Variants in COG2 observed in about 807,000 individuals in gnomAD.
The protein encoded by COG2 is conserved oligomeric Golgi complex subunit 2.
COG2 carries 52 observed loss-of-function variants against 90.6 expected under a neutral mutation model. That is an observed-to-expected ratio of 0.57 (90% confidence interval 0.46 to 0.72). The LOEUF is 0.72. COG2 is among the 30% of genes least tolerant of loss of function. The pLI is 0.00. For synonymous variants in COG2, 337 were observed against 320.4 expected, an observed-to-expected ratio of 1.05 and a Z score of -0.55; for missense variants, 829 against 891.2, an observed-to-expected ratio of 0.93 and a Z score of 0.89.
chr1:230,677,223 A>C (rs919416391), intron 9 of COG2, among the ~76,000 whole-genome samples: 11 of 152,050 alleles, frequency 7.2e-5, no homozygotes, highest in Non-Finnish European at 1.6e-4. Context: ...GTTGTGTCTA[A>C]ACTCTTTTCC....
At chr1:230,692,575 A>G (rs528651753) in intron 17 of COG2, among the ~76,000 whole-genome samples, 3 of 152,322 alleles carry the variant, frequency 2.0e-5, no homozygotes, top group South Asian at 2.1e-4. Flanking sequence ...TGAAGAGCCA[A>G]TGAGCAAAAG....
chr1:230,654,476 C>T (rs1015288697), intron 1 of COG2, among the ~76,000 whole-genome samples: 3 of 152,138 alleles, frequency 2.0e-5, no homozygotes, highest in Admixed American at 1.3e-4. Flanking sequence ...CTATATATAT[C>T]TGTTTTCATA....
intron 6 of COG2, 90 bp downstream of exon 6, chr1:230,668,874 G>A: frequency 1.3e-6 from 1 of 784,770 alleles, no homozygotes. Flanking sequence ...GATCTACAGG[G>A]TTTTGAAGCT....
rs1186241877 is a variant in COG2, at chr1:230,663,188, A to G, written c.348A>G (p.Arg116=). The G allele has an allele frequency of 6.2e-7, 1 of 1,611,754 alleles. No individual in the cohort carries two copies. Residue 116 remains arginine, a synonymous_variant, in exon 4 of 18, where the codon CGA becomes CGG. Transcript: ENST00000366669. ...AAGGAATTCGGGCAGTTGATGAACG[A>G]ATGTCTAAACAAGAGGACATTAGGA... ...VSEGIRAVDE[R]MSKQEDIRKK... is the part of the protein sequence containing the mutation.
chr1:230,678,125 A>AC, intron 9 of COG2: 1 of 985,442 alleles, frequency 1.0e-6, no homozygotes, highest in Non-Finnish European at 1.2e-6. Flanking sequence ...GAACATAAAA[A>AC]ATTCAACAGT....
rs558080309 is a variant in COG2, at chr1:230,656,096, C to T, written c.73-3368C>T. On this transcript the variant is annotated intron_variant, in intron 1 of 17. Coordinates refer to ENST00000366669, the MANE Select transcript of COG2 (RefSeq NM_007357.3). ...GATTTTTTTGAAGGGTTTTTCGTGT[C>T]TCTATCTCCTTCAGTTCTGCTCTGA... is the stretch of plus-strand genomic sequence containing the variant. 5.3e-5 allele frequency among the ~76,000 whole-genome samples: 8 copies of T among 151,996 alleles called. No homozygotes were observed. The South Asian group carries it at 6.2e-4, about 12-fold the overall frequency.
At chr1:230,659,839 T>A (rs375263001) in intron 2 of COG2, among the ~76,000 whole-genome samples, 174 of 152,354 alleles carry the variant, frequency 1.1e-3, no homozygotes, top group African/African-American at 4.0e-3. Flanking sequence ...AATATTTTTT[T>A]AATTTGATAT....
chr1:230,653,948 C>T (rs137919872), intron 1 of COG2, among the ~76,000 whole-genome samples: 4 of 152,120 alleles, frequency 2.6e-5, no homozygotes, highest in African/African-American at 9.7e-5. Flanking sequence ...TTAAAGGTAT[C>T]CTCTCAACTC....
At chr1:230,693,137 A>G (rs894101744) in intron 17 of COG2, among the ~76,000 whole-genome samples, 155 bp from the exon 18 acceptor site, 1 of 152,160 alleles carries the variant, frequency 6.6e-6, no homozygotes, top group African/African-American at 2.4e-5. Flanking sequence ...ATTTTACAAC[A>G]AGTAAATCCT....
In COG2 at chr1:230,681,171, CAT is replaced by C. The variant is rs1662740248; in HGVS notation, c.1166+2121_1166+2122del. The C allele has an allele frequency of 2.0e-5, 3 of 152,264 alleles. No homozygotes were observed. In the East Asian group the frequency reaches 5.8e-4, roughly 29 times the overall value. The allele number at this position is 152,264 out of a possible 1,614,324, so 9.4% of individuals were successfully genotyped here. A position where few individuals can be genotyped will look rare whatever the true frequency, so the allele number is the denominator to read the frequency against. ...GAAAGTAGATGAGGACTTAGTATCT[CAT>C]AGGAAGAAATTAAATGCAGATGTGA... is the stretch of plus-strand genomic sequence containing the variant. On this transcript the variant is annotated intron_variant, in intron 10 of 17. Coordinates refer to ENST00000366669, the MANE Select transcript of COG2 (RefSeq NM_007357.3).
rs781205956 is a variant in COG2, at chr1:230,669,436, T to C, written c.675T>C (p.Asp225=). 1 of 1,614,006 alleles carries C rather than the reference T, an allele frequency of 6.2e-7. No homozygotes were observed. The highest frequency in any genetic ancestry group is 1.3e-5 in the African/African-American group (1 of 74,936). ...LLEGLQTSDV[D]IIRHCLRTYA... is the part of the protein sequence containing the mutation. ...AAGGCCTTCAGACGTCTGACGTCGA[T>C]ATAATACGGCACTGCTTGCGGACTT... Residue 225 remains aspartate, a synonymous_variant, in exon 7 of 18, where the codon GAT becomes GAC. Coordinates refer to ENST00000366669, the MANE Select transcript of COG2 (RefSeq NM_007357.3).
intron 9 of COG2, among the ~76,000 whole-genome samples, chr1:230,675,901 C>T (rs1662580701): frequency 6.6e-6 from 1 of 152,012 alleles, no homozygotes; most frequent in African/African-American, 2.4e-5. Context: ...GCACTCCTTC[C>T]CCCTCAACCT....
intron 9 of COG2, among the ~76,000 whole-genome samples, chr1:230,676,929 G>A (rs1662614822): frequency 6.6e-6 from 1 of 152,090 alleles, no homozygotes; most frequent in East Asian, 1.9e-4. Context: ...AAGATCTTCT[G>A]TGTGACTTTG....
intron 1 of COG2, among the ~76,000 whole-genome samples, chr1:230,653,193 A>G (rs992578086): frequency 6.6e-6 from 1 of 151,314 alleles, no homozygotes; most frequent in African/African-American, 2.4e-5. Flanking sequence ...TTTTGTTTCA[A>G]TGAATTTGAC....
rs771586673 is a variant in COG2, at chr1:230,679,032, G to A, written c.1146G>A (p.Leu382=). ...AYHSFNKKWN[L]PVYFQIRFRE... ...ACAGCTTCAATAAGAAGTGGAACTT[G>A]CCTGTTTATTTTCAAATAAGGTTGG... The change falls in exon 10 of 18, where the codon TTG becomes TTA. Residue 382 remains leucine (L), a synonymous_variant. Transcript: ENST00000366669. 9.3e-6 allele frequency: 15 copies of A among 1,612,718 alleles called. No individual in the cohort carries two copies. Among genetic ancestry groups the A allele is most frequent in the Non-Finnish European group, 1.2e-5 (14 of 1,178,868 alleles).
intron 10 of COG2, 80 bp from the exon 11 acceptor site, chr1:230,683,494 T>C: frequency 4.5e-6 from 5 of 1,098,944 alleles, no homozygotes; most frequent in Non-Finnish European, 6.9e-6. Flanking sequence ...TTCCTGTTAC[T>C]TAGGAAAAAC....
Position 230,642,543 on chromosome 1 carries a change from G to A in COG2, c.-64G>A. ...TGGCGGTGGCCGCGGCCGCCGAGTC[G>A]GTCTGCGCAGCCTCCTGCGTTTTCT... is the stretch of plus-strand genomic sequence containing the variant. On this transcript the variant is annotated 5_prime_UTR_variant, in exon 1 of 18. Transcript: ENST00000366669. 4 of 1,529,210 alleles carry A rather than the reference G, an allele frequency of 2.6e-6. No homozygotes were observed. The highest frequency in any genetic ancestry group is 3.6e-6 in the Non-Finnish European group (4 of 1,121,894). 94.7% of individuals were successfully genotyped at this position (1,529,210 alleles called of 1,614,324 possible). A position where few individuals can be genotyped will look rare whatever the true frequency, so the allele number is the denominator to read the frequency against.
chr1:230,660,835 G>A lies in COG2; in HGVS notation c.300+12G>A, dbSNP rs375004999. The A allele has an allele frequency of 2.6e-5, 40 of 1,550,172 alleles. No homozygotes were observed. Among genetic ancestry groups the A allele is most frequent in the Admixed American group, 9.7e-5 (5 of 51,756 alleles). On this transcript the variant is annotated intron_variant, in intron 3 of 17. Transcript: ENST00000366669. Reference sequence around the variant, plus strand: ...GAGAAGAGGTTCTGGTAAGTTTCCCGAATAACATCAAACAGTTTACCCTAA... The same window carrying A: ...GAGAAGAGGTTCTGGTAAGTTTCCCAAATAACATCAAACAGTTTACCCTAA...
chr1:230,665,667 T>G (rs551835617), intron 5 of COG2, among the ~76,000 whole-genome samples: 10 of 152,346 alleles, frequency 6.6e-5, no homozygotes, highest in African/African-American at 2.4e-4. Flanking sequence ...TATAAATAAG[T>G]GGTCAATCGC....
Sources: gnomAD v4.1 joint callset for allele counts (sites outside exome capture counted in the v4.1 genomes callset) on GRCh38, gnomAD v4.1.1 for gene constraint, MANE v1.5 for transcripts, NCBI Gene and HGNC (gene_info 2026-07-23, HGNC 2026-07-21) for gene names.